Variants in RHBDD1 observed in about 807,000 individuals in gnomAD.
The protein encoded by RHBDD1 is rhomboid domain containing 1, also known as rhomboid-related protein 4.
A neutral mutation model predicts 36.3 loss-of-function variants in RHBDD1; 38 were observed. The ratio of observed to expected loss-of-function variants is 1.05; its 90% CI spans 0.81 to 1.37. The LOEUF is 1.37. Ranked by LOEUF, RHBDD1 falls within the 40% of genes most tolerant of loss-of-function variation. The pLI is 0.00. For synonymous variants in RHBDD1, 151 were observed against 136.5 expected, an observed-to-expected ratio of 1.11 and a Z score of -0.74; for missense variants, 393 against 377.6, an observed-to-expected ratio of 1.04 and a Z score of -0.34.
Position 226,839,438 on chromosome 2 carries a change from A to G in RHBDD1, c.-280A>G, listed in dbSNP as rs1941372387. On this transcript the variant is annotated 5_prime_UTR_variant, in exon 3 of 9. Coordinates refer to ENST00000392062, the MANE Select transcript of RHBDD1 (RefSeq NM_001167608.3). ...CCTCTTAAACAGAATCTTACCTGTA[A>G]AACTCAGGAGCCGAGAAGCTTTAAG... 1 of 152,202 alleles carries G rather than the reference A, an allele frequency of 6.6e-6. No individual in the cohort carries two copies. Among genetic ancestry groups the G allele is most frequent in the Admixed American group, 6.5e-5 (1 of 15,278 alleles). 9.4% of individuals were successfully genotyped at this position (152,202 alleles called of 1,614,324 possible).
At chr2:226,974,245 A>ATTTTATTTTT (rs1457463278) in intron 8 of RHBDD1, among the ~76,000 whole-genome samples, 3 of 151,028 alleles carry the variant, frequency 2.0e-5, no homozygotes, top group South Asian at 2.1e-4. Context: ...ATTTTATTTT[A>ATTTTATTTTT]TTTTATTTTT....
At chr2:226,920,503 A>G (rs1019752966) in intron 8 of RHBDD1, among the ~76,000 whole-genome samples, 5 of 152,104 alleles carry the variant, frequency 3.3e-5, no homozygotes, top group Admixed American at 6.5e-5. Context: ...TCCCCTTTCA[A>G]CATGATACTA....
At chr2:226,936,470 G>A (rs1575160552) in intron 8 of RHBDD1, among the ~76,000 whole-genome samples, 1 of 152,064 alleles carries the variant, frequency 6.6e-6, no homozygotes, top group East Asian at 1.9e-4. Context: ...GACCTTACTA[G>A]TTATCTGTGA....
At chr2:226,838,535 C>T (rs1373919806) in intron 2 of RHBDD1, among the ~76,000 whole-genome samples, 2 of 152,078 alleles carry the variant, frequency 1.3e-5, no homozygotes, top group African/African-American at 4.8e-5. Flanking sequence ...TACTTCAGGC[C>T]ATTGAATTAA....
intron 5 of RHBDD1, among the ~76,000 whole-genome samples, chr2:226,894,687 G>A (rs1946958983): frequency 6.6e-6 from 1 of 152,212 alleles, no homozygotes; most frequent in Non-Finnish European, 1.5e-5. Context: ...TGTACAAGAT[G>A]TGTTATTCAC....
chr2:226,913,952 G>A (rs1025367530), intron 7 of RHBDD1, among the ~76,000 whole-genome samples: 3 of 152,072 alleles, frequency 2.0e-5, no homozygotes, highest in African/African-American at 7.2e-5. Flanking sequence ...TCTTCCCCAG[G>A]ACTTCTGACT....
intron 3 of RHBDD1, among the ~76,000 whole-genome samples, chr2:226,845,030 C>A (rs1197757848): frequency 6.7e-6 from 1 of 150,030 alleles, no homozygotes; most frequent in Non-Finnish European, 1.5e-5. Context: ...TTTTTTTTTT[C>A]TTCCTAAAAT....
chr2:226,823,050 C>T, the RHBDD1 span, among the ~76,000 whole-genome samples: 2 of 152,050 alleles, frequency 1.3e-5, no homozygotes, highest in African/African-American at 2.4e-5. Flanking sequence ...CACTTGAACC[C>T]GGGAGGCAGA....
the RHBDD1 span, among the ~76,000 whole-genome samples, chr2:226,814,152 G>A: frequency 2.0e-5 from 3 of 152,132 alleles, no homozygotes; most frequent in African/African-American, 7.2e-5. Context: ...AAGGAAAGAT[G>A]GCATTCCATG....
chr2:226,864,254 T>C lies in RHBDD1; in HGVS notation c.-90-350T>C, dbSNP rs536504875. Among the ~76,000 whole-genome samples the C allele has an allele frequency of 1.7e-3, 259 of 152,296 alleles. 3 individuals carry two copies. The highest frequency in any genetic ancestry group is 3.4e-3 in the Middle Eastern group (1 of 294). On this transcript the variant is annotated intron_variant, in intron 3 of 8. Transcript: ENST00000392062. ...GGGGATAAAGAATCCTGGCCAGGAT[T>C]CTGAGTAGAAATCATTTAATACTTG...
intron 8 of RHBDD1, among the ~76,000 whole-genome samples, chr2:226,954,488 A>C (rs1318437966): frequency 6.6e-6 from 1 of 152,228 alleles, no homozygotes; most frequent in Non-Finnish European, 1.5e-5. Context: ...GTGACAATAA[A>C]AATATTAGAA....
the RHBDD1 span, among the ~76,000 whole-genome samples, chr2:226,821,059 C>A: frequency 6.6e-6 from 1 of 152,142 alleles, no homozygotes; most frequent in Non-Finnish European, 1.5e-5. Context: ...CCACCCAAAG[C>A]AGAAAATTGA....
intron 8 of RHBDD1, among the ~76,000 whole-genome samples, chr2:226,940,382 G>A (rs917254437): frequency 6.6e-6 from 1 of 151,958 alleles, no homozygotes; most frequent in Admixed American, 6.6e-5. Flanking sequence ...ATTTTAAAAG[G>A]CTTTGTCTTA....
At chr2:226,815,695 A>G in the RHBDD1 span, among the ~76,000 whole-genome samples, 2 of 152,178 alleles carry the variant, frequency 1.3e-5, no homozygotes, top group East Asian at 3.9e-4. Flanking sequence ...GCTATTTCTG[A>G]TAAGTGTGTA....
In RHBDD1 at chr2:226,914,884, CTG is replaced by C. The variant is rs773407705; in HGVS notation, c.856+535_856+536del. Among the ~76,000 whole-genome samples, 9 of 152,140 alleles carry C rather than the reference CTG, an allele frequency of 5.9e-5. No homozygotes were observed. The East Asian group carries it at 7.7e-4, about 13-fold the overall frequency. On this transcript the variant is annotated intron_variant, in intron 8 of 8. Coordinates refer to ENST00000392062, the MANE Select transcript of RHBDD1 (RefSeq NM_001167608.3). ...TTATAAACCGATATCTGAAAAAACA[CTG>C]TATATATTTTGCCATGTTTGTTCTA...
chr2:226,954,237 G>A (rs777305732), intron 8 of RHBDD1, among the ~76,000 whole-genome samples: 5 of 152,140 alleles, frequency 3.3e-5, no homozygotes, highest in African/African-American at 4.8e-5. Context: ...AATTTCCCTT[G>A]CAGGAAAGAA....
intron 8 of RHBDD1, among the ~76,000 whole-genome samples, chr2:226,975,257 A>G (rs980473604): frequency 1.3e-5 from 2 of 152,160 alleles, no homozygotes; most frequent in Non-Finnish European, 2.9e-5. Context: ...AATTAACTTG[A>G]TTGTGGTACT....
At chr2:226,978,987 T>C (rs1027563508) in intron 8 of RHBDD1, among the ~76,000 whole-genome samples, 5 of 152,142 alleles carry the variant, frequency 3.3e-5, no homozygotes, top group African/African-American at 1.2e-4. Flanking sequence ...AGGATGTAGG[T>C]ATGTATAAAA....
chr2:226,868,747 G>GGGCAGCCACT (rs1251845153), intron 5 of RHBDD1, among the ~76,000 whole-genome samples: 1 of 152,154 alleles, frequency 6.6e-6, no homozygotes, highest in African/African-American at 2.4e-5. Flanking sequence ...TTCCCATCAC[G>GGGCAGCCACT]GGCAGCCACT....
Sources: gnomAD v4.1 joint callset for allele counts (sites outside exome capture counted in the v4.1 genomes callset) on GRCh38, gnomAD v4.1.1 for gene constraint, MANE v1.5 for transcripts, NCBI Gene and HGNC (gene_info 2026-07-23, HGNC 2026-07-21) for gene names.